Variants in KIF1B observed in about 807,000 individuals in gnomAD.
The protein encoded by KIF1B is kinesin family member 1B, also known as kinesin-like protein KIF1B.
In KIF1B, 76 loss-of-function variants were observed where a neutral mutation model predicts 241.9. The ratio of observed to expected loss-of-function variants is 0.31; its 90% CI spans 0.26 to 0.38. The LOEUF is 0.38. KIF1B is among the 10% of genes least tolerant of loss of function. The pLI is 1.00. For missense variants in KIF1B, 1,622 were observed against 2,271.4 expected (o/e 0.71, Z 5.81); for synonymous variants, 750 against 796.7 (o/e 0.94, Z 0.99).
At chr1:10,340,544 A>C (rs1555849) in intron 32 of KIF1B, among the ~76,000 whole-genome samples, 49,896 of 152,086 alleles carry the variant, frequency 0.33, 8,327 homozygotes, top group Middle Eastern at 0.38. Flanking sequence ...TGAAGCATAG[A>C]GCAATTAAAG....
At chr1:10,273,658 T>A (rs1215183402) in intron 10 of KIF1B, among the ~76,000 whole-genome samples, 2 of 121,322 alleles carry the variant, frequency 1.6e-5, no homozygotes, top group African/African-American at 6.5e-5. Context: ...ACATATTTAA[T>A]AAGAGATGGA....
chr1:10,271,511 A>G lies in KIF1B; in HGVS notation c.730A>G (p.Ile244Val). The G allele has an allele frequency of 6.2e-7, 1 of 1,613,392 alleles. No homozygotes were observed. The highest frequency in any genetic ancestry group is 8.5e-7 in the Non-Finnish European group (1 of 1,179,338). The change falls in exon 8 of 49, where the codon ATC becomes GTC. Residue 244 changes from isoleucine (I) to valine (V), a missense_variant. Ile to Val is a conservative substitution (Grantham distance 29). This residue lies in a region of KIF1B where 201 missense variants were observed against 301.2 expected (regional missense o/e 0.67). Transcript: ENST00000676179. ...TATTGTTCTTTATCAGGTCAGTAAA[A>G]TCAGCTTGGTGGATCTAGCAGGAAG... The part of the protein sequence containing the change: ...TNLSTEKVSK[I>V]SLVDLAGSER...
At chr1:10,223,766 G>A (rs1357655676) in intron 1 of KIF1B, among the ~76,000 whole-genome samples, 2 of 152,048 alleles carry the variant, frequency 1.3e-5, no homozygotes, top group South Asian at 2.1e-4. Context: ...GGATGGTCTT[G>A]ATGTCTTGAC....
intron 32 of KIF1B, 144 bp from the exon 33 acceptor site, chr1:10,341,906 G>A: frequency 1.5e-6 from 1 of 667,702 alleles, no homozygotes; most frequent in Admixed American, 2.4e-5. Flanking sequence ...GGGAGGGTGA[G>A]GCCGCATGAG....
intron 27 of KIF1B, among the ~76,000 whole-genome samples, chr1:10,333,881 G>A (rs538427817): frequency 2.1e-4 from 32 of 151,908 alleles, no homozygotes; most frequent in African/African-American, 7.5e-4. Context: ...GCCTGGGCAC[G>A]GTGGCTCACA....
At position 10,380,365 on chromosome 1, in the gene KIF1B, A is replaced by G; in HGVS notation, c.*3778A>G. On this transcript the variant is annotated 3_prime_UTR_variant, in exon 49 of 49. Transcript: ENST00000676179. ...AGGGCTTGTTTGACTTAGGTCTTTC[A>G]GTTTTCCTTTCGGTTCCCTTTTAAA... 1 of 202,090 alleles carries G rather than the reference A, an allele frequency of 4.9e-6. No individual in the cohort carries two copies. Among genetic ancestry groups the G allele is most frequent in the Non-Finnish European group, 1.0e-5 (1 of 98,004 alleles). 12.5% of individuals were successfully genotyped at this position (202,090 alleles called of 1,614,324 possible). A position where few individuals can be genotyped will look rare whatever the true frequency, so the allele number is the denominator to read the frequency against.
chr1:10,275,392 C>T lies in KIF1B; in HGVS notation c.883-36C>T, dbSNP rs143188352. On this transcript the variant is annotated intron_variant, in intron 10 of 48. Transcript: ENST00000676179. ...CTTTCTTGGGAATTTTTTTCCCTAA[C>T]GAAAAATGCTAAGACCATTTCTTTT... 2,831 of 1,242,912 alleles carry T rather than the reference C, an allele frequency of 2.3e-3. 43 individuals are homozygous for T. The African/African-American group carries it at 0.036, about 16-fold the overall frequency. The allele number at this position is 1,242,912 out of a possible 1,614,324, so 77.0% of individuals were successfully genotyped here.
intron 1 of KIF1B, among the ~76,000 whole-genome samples, chr1:10,218,613 G>A (rs556449616): frequency 6.6e-6 from 1 of 152,138 alleles, no homozygotes; most frequent in South Asian, 2.1e-4. Context: ...TAGAGACAGC[G>A]TTTCATCATG....
rs761449546 is a variant in KIF1B at position 10,291,133 on chromosome 1, C to T, written c.1486C>T (p.Arg496Cys). Residue 496 changes from arginine (R) to cysteine (C), a missense_variant, in exon 16 of 49, where the codon CGT (arginine) becomes TGT (cysteine). Transcript: ENST00000676179. ...ELNETWEEKL[R>C]KTEAIRMERE... Reference sequence around the variant, plus strand: ...GAATGAAACTTGGGAAGAGAAGCTTCGTAAAACAGAGGCCATCAGAATGGA... The same window carrying T: ...GAATGAAACTTGGGAAGAGAAGCTTTGTAAAACAGAGGCCATCAGAATGGA... The T allele has an allele frequency of 7.4e-6, 12 of 1,612,820 alleles. No homozygotes were observed. The highest frequency in any genetic ancestry group is 2.7e-5 in the African/African-American group (2 of 74,772).
chr1:10,336,624 C>T, intron 28 of KIF1B, 33 bp from the exon 29 acceptor site: 1 of 1,565,826 alleles, frequency 6.4e-7, no homozygotes, highest in South Asian at 1.1e-5. Flanking sequence ...TGTAGTCTCA[C>T]TCAATTCTTG....
rs1398959338 is a variant in KIF1B at position 10,326,227 on chromosome 1, TGGA to T, written c.2796_2798del (p.Glu932del). ...CTGGCTGACGAGCAGCAAGATGAGA[TGGA>T]GGATTTTGATGATGAGGCATTCGTG... On this transcript the variant is annotated inframe_deletion, in exon 27 of 49. Coordinates refer to ENST00000676179, the MANE Select transcript of KIF1B (RefSeq NM_001365951.3). The surrounding 1 kb of genome is among the most constrained non-coding windows in gnomAD (Gnocchi z 5.2). The T allele has an allele frequency of 6.2e-7, 1 of 1,614,004 alleles. No individual in the cohort carries two copies. The highest frequency in any genetic ancestry group is 1.1e-5 in the South Asian group (1 of 91,072).
Position 10,365,503 on chromosome 1 carries a change from G to A in KIF1B, c.4607G>A (p.Ser1536Asn). The A allele has an allele frequency of 6.2e-7, 1 of 1,614,154 alleles. No individual in the cohort carries two copies. ...GACTCGTTATCCCCCAGCCTCAGCA[G>A]TGGGACCCTCAGCACCTCCACCAGT... ...LSDSLSPSLS[S>N]GTLSTSTSIS... Residue 1536 changes from serine (S) to asparagine (N), a missense_variant, in exon 43 of 49, where the codon AGT (serine) becomes AAT (asparagine). By Grantham distance (46) the Ser-to-Asn change is conservative. Transcript: ENST00000676179. This position sits in a 1 kb window ranked among gnomAD's most constrained non-coding sequence, Gnocchi z 4.0.
chr1:10,343,754 G>A (rs945777721), intron 34 of KIF1B, among the ~76,000 whole-genome samples: 3 of 151,998 alleles, frequency 2.0e-5, no homozygotes, highest in South Asian at 4.1e-4. Flanking sequence ...GCGAAACTCC[G>A]TCTCAAAACA....
intron 22 of KIF1B, chr1:10,304,296 C>T (rs1280664537): frequency 1.7e-5 from 27 of 1,614,088 alleles, no homozygotes; most frequent in Non-Finnish European, 2.1e-5. Context: ...GCAAGCAGCA[C>T]ATTAATAATC....
chr1:10,335,306 G>T, intron 28 of KIF1B, among the ~76,000 whole-genome samples: 1 of 152,092 alleles, frequency 6.6e-6, no homozygotes, highest in Middle Eastern at 3.2e-3. Context: ...AGGCTGGAGC[G>T]CAGTGGCACA....
chr1:10,224,044 C>G (rs1331299754), intron 1 of KIF1B, among the ~76,000 whole-genome samples: 2 of 152,088 alleles, frequency 1.3e-5, no homozygotes, highest in Non-Finnish European at 2.9e-5. Flanking sequence ...CTCAAGCCAT[C>G]TGCCTGCCTT....
chr1:10,352,633 C>A lies in KIF1B; in HGVS notation c.3952C>A (p.Arg1318Ser). The change falls in exon 38 of 49, where the codon CGT becomes AGT. Residue 1318 changes from arginine (R) to serine (S), a missense_variant and splice_region_variant. Coordinates refer to ENST00000676179, the MANE Select transcript of KIF1B (RefSeq NM_001365951.3). ...WKDVRELVVG[R>S]IRNKPEVDEA... The stretch of plus-strand genomic sequence containing the variant: ...GTTTTTTTTATCCTTTCTTTTAGGT[C>A]GTATTCGGAATAAGCCTGAGGTGGA... 2 of 1,611,584 alleles carry A rather than the reference C, an allele frequency of 1.2e-6. No individual in the cohort carries two copies. Among genetic ancestry groups the A allele is most frequent in the South Asian group, 2.2e-5 (2 of 90,960 alleles).
intron 2 of KIF1B, among the ~76,000 whole-genome samples, chr1:10,244,870 C>T (rs1647187502): frequency 6.6e-6 from 1 of 152,072 alleles, no homozygotes; most frequent in African/African-American, 2.4e-5. Flanking sequence ...CCTCGGCCTC[C>T]CAAAGGACTG....
chr1:10,247,818 A>C lies in KIF1B; in HGVS notation c.107-8429A>C, dbSNP rs544725165. Among the ~76,000 whole-genome samples, 3 of 152,290 alleles carry C rather than the reference A, an allele frequency of 2.0e-5. No homozygotes were observed. In the South Asian group the frequency reaches 6.2e-4, roughly 32 times the overall value. Reference sequence around the variant, plus strand: ...TGGCACCAGGGACCGGTTTTGTGGAAGATAATTTTTCCACAGACGGGGGTG... The same window carrying C: ...TGGCACCAGGGACCGGTTTTGTGGACGATAATTTTTCCACAGACGGGGGTG... On this transcript the variant is annotated intron_variant, in intron 2 of 48. Coordinates refer to ENST00000676179, the MANE Select transcript of KIF1B (RefSeq NM_001365951.3).
Sources: allele counts gnomAD v4.1 joint callset (sites outside exome capture counted in the v4.1 genomes callset), GRCh38; gene constraint gnomAD v4.1.1; regional missense constraint gnomAD v4.1.1; non-coding constraint Gnocchi (gnomAD v3.1); transcripts MANE v1.5; gene names NCBI Gene and HGNC (gene_info 2026-07-23, HGNC 2026-07-21).